The following RP1 variants were observed in gnomAD, a reference collection of about 807,000 sequenced individuals.
The protein encoded by RP1 is oxygen-regulated protein 1.
In RP1, 16 loss-of-function variants were observed where a neutral mutation model predicts 14.8. That is an observed-to-expected ratio of 1.08 (90% confidence interval 0.73 to 1.65). RP1 has a LOEUF of 1.65. Among genes scored for constraint, RP1 ranks in the 40% most tolerant of loss-of-function variants. The pLI, the probability that RP1 is intolerant of heterozygous loss-of-function variation, is 0.00. For missense variants in RP1, 2,631 were observed against 2,535.0 expected, an observed-to-expected ratio of 1.04 and a Z score of -0.81; for synonymous variants, 876 against 883.6, an observed-to-expected ratio of 0.99 and a Z score of 0.15.
chr8:54,726,660 A>AT (rs1808662536), intron 17 of RP1, among the ~76,000 whole-genome samples: 1 of 151,972 alleles, frequency 6.6e-6, no homozygotes, highest in Non-Finnish European at 1.5e-5. Flanking sequence ...GAATACATAT[A>AT]TTTTTAAATG....
intron 24 of RP1, among the ~76,000 whole-genome samples, chr8:54,824,963 T>TA (rs200682474): frequency 0.31 from 47,264 of 151,106 alleles, 7,521 homozygotes; most frequent in South Asian, 0.37. Context: ...TTTCTTTCTT[T>TA]TTTTTTTTTA....
At chr8:54,657,118 A>G (rs1806772054) in intron 6 of RP1, among the ~76,000 whole-genome samples, 1 of 152,140 alleles carries the variant, frequency 6.6e-6, no homozygotes, top group South Asian at 2.1e-4. Flanking sequence ...AGTTACTGAA[A>G]AGTGAAGCAG....
intron 1 of RP1, among the ~76,000 whole-genome samples, chr8:54,605,278 G>T (rs1423481922): frequency 6.6e-5 from 10 of 152,182 alleles, no homozygotes; most frequent in Non-Finnish European, 1.3e-4. Context: ...CTTTATTACT[G>T]CCTTCATTTC....
At chr8:54,567,277 G>C (rs547994738) in intron 1 of RP1, among the ~76,000 whole-genome samples, 1 of 152,268 alleles carries the variant, frequency 6.6e-6, no homozygotes, top group South Asian at 2.1e-4. Flanking sequence ...CATCAGCTAA[G>C]GGCTTTCATT....
At chr8:54,869,745 C>G (rs1375569403) in intron 28 of RP1, 4 of 451,288 alleles carry the variant, frequency 8.9e-6, no homozygotes, top group Non-Finnish European at 1.5e-5. Flanking sequence ...CTAAAGGCCT[C>G]TTTAAATTCT....
chr8:54,759,643 C>T (rs1809592068), intron 22 of RP1, among the ~76,000 whole-genome samples: 2 of 152,134 alleles, frequency 1.3e-5, no homozygotes, highest in African/African-American at 4.8e-5. Context: ...TCATAGAAAT[C>T]CCACACCTTC....
At chr8:54,574,701 T>C (rs147844956) in intron 1 of RP1, among the ~76,000 whole-genome samples, 3 of 101,182 alleles carry the variant, frequency 3.0e-5, no homozygotes, top group Non-Finnish European at 4.5e-5. Context: ...GTTTCACTTA[T>C]CTATGTTGTT....
At chr8:54,576,100 G>A (rs1804634869) in intron 1 of RP1, among the ~76,000 whole-genome samples, 1 of 150,846 alleles carries the variant, frequency 6.6e-6, no homozygotes, top group African/African-American at 2.4e-5. Flanking sequence ...GAGTGCAGTG[G>A]CGCAATCTCG....
chr8:54,768,282 C>T (rs1302938788), intron 22 of RP1, among the ~76,000 whole-genome samples: 1 of 152,196 alleles, frequency 6.6e-6, no homozygotes, highest in African/African-American at 2.4e-5. Flanking sequence ...CTTTGCACTT[C>T]CCCATTCCTG....
At chr8:54,757,034 A>G (rs952630504) in intron 21 of RP1, among the ~76,000 whole-genome samples, 3 of 152,182 alleles carry the variant, frequency 2.0e-5, no homozygotes, top group Non-Finnish European at 4.4e-5. Flanking sequence ...TTAGAATCAG[A>G]GATGTAAAAG....
chr8:54,706,743 G>T lies in RP1; in HGVS notation c.2211+88G>T, dbSNP rs139649935. 1.3e-5 allele frequency: 17 copies of T among 1,335,606 alleles called. No homozygotes were observed. The East Asian group carries it at 4.0e-4, about 32-fold the overall frequency. 82.7% of individuals were successfully genotyped at this position (1,335,606 alleles called of 1,614,324 possible). A position where few individuals can be genotyped will look rare whatever the true frequency, so the allele number is the denominator to read the frequency against. On this transcript the variant is annotated intron_variant, in intron 15 of 22. Coordinates refer to the RP1 transcript ENST00000636932. The stretch of plus-strand genomic sequence containing the variant: ...GAATAGCACTTTCTGAGTGGGTTTT[G>T]GAAATTGAATGTTACATGTGGTGGT...
chr8:54,869,279 TA>T (rs1812526017), intron 28 of RP1, among the ~76,000 whole-genome samples: 1 of 152,220 alleles, frequency 6.6e-6, no homozygotes, highest in South Asian at 2.1e-4. Flanking sequence ...TCTTCCAATG[TA>T]GGTATAAGAT....
chr8:54,825,343 G>T (rs79094301), intron 24 of RP1, among the ~76,000 whole-genome samples: 4 of 151,864 alleles, frequency 2.6e-5, no homozygotes, highest in Non-Finnish European at 5.9e-5. Flanking sequence ...TGCCTTCAAC[G>T]TTCTTATTCA....
chr8:54,839,393 T>G (rs1222843232), intron 25 of RP1, among the ~76,000 whole-genome samples: 1 of 152,200 alleles, frequency 6.6e-6, no homozygotes, highest in Non-Finnish European at 1.5e-5. Flanking sequence ...CAAACAGGTC[T>G]CAGGTGGCTG....
At chr8:54,581,768 A>AT (rs1804797148) in intron 1 of RP1, among the ~76,000 whole-genome samples, 1 of 152,052 alleles carries the variant, frequency 6.6e-6, no homozygotes, top group Non-Finnish European at 1.5e-5. Flanking sequence ...GATAATGAGC[A>AT]TTTTTTCATG....
intron 24 of RP1, among the ~76,000 whole-genome samples, chr8:54,807,189 T>C (rs927639373): frequency 6.6e-6 from 1 of 152,228 alleles, no homozygotes; most frequent in African/African-American, 2.4e-5. Flanking sequence ...CACAGCTTTA[T>C]GAGGCCAGGT....
chr8:54,748,496 C>T (rs1809281815), intron 19 of RP1, among the ~76,000 whole-genome samples: 1 of 152,098 alleles, frequency 6.6e-6, no homozygotes, highest in African/African-American at 2.4e-5. Flanking sequence ...TTGTAAATAC[C>T]ATAGTTGGTC....
chr8:54,611,152 T>C (rs1246770081), upstream of RP1, among the ~76,000 whole-genome samples: 1 of 152,216 alleles, frequency 6.6e-6, no homozygotes, highest in Non-Finnish European at 1.5e-5. Context: ...TCCCTTTTGA[T>C]GCTTTAATGT....
At chr8:54,576,669 G>T (rs902851244) in intron 1 of RP1, among the ~76,000 whole-genome samples, 4 of 152,202 alleles carry the variant, frequency 2.6e-5, no homozygotes, top group African/African-American at 9.7e-5. Context: ...AACAGATCTG[G>T]TTACAGTCAA....
Sources: gnomAD v4.1 joint callset for allele counts (sites outside exome capture counted in the v4.1 genomes callset) on GRCh38, gnomAD v4.1.1 for gene constraint, MANE v1.5 for transcripts, NCBI Gene and HGNC (gene_info 2026-07-23, HGNC 2026-07-21) for gene names.